The following ZNF705A variants were observed in gnomAD, a reference collection of about 807,000 sequenced individuals.
The protein encoded by ZNF705A is zinc finger protein 705A.
ZNF705A carries 8 observed loss-of-function variants against 16.6 expected under a neutral mutation model. The observed-to-expected ratio is 0.48, with a 90% confidence interval of 0.28 to 0.87. The LOEUF (loss-of-function observed/expected upper bound fraction) is 0.87. ZNF705A is among the 40% of genes least tolerant of loss of function. The pLI is 0.10. For synonymous variants in ZNF705A, 73 were observed against 117.3 expected (o/e 0.62, Z 2.44); for missense variants, 233 against 359.9 (o/e 0.65, Z 2.85).
At chr12:8,170,045 C>T (rs1353739937), upstream of ZNF705A, among the ~76,000 whole-genome samples, 6 of 152,046 alleles carry the variant, frequency 3.9e-5, no homozygotes, top group African/African-American at 1.5e-4. Context: ...CAAAATTAGC[C>T]GAGCACGATG....
chr12:8,172,526 T>C (rs1288135647), upstream of ZNF705A: 1 of 1,517,912 alleles, frequency 6.6e-7, no homozygotes, highest in Non-Finnish European at 9.0e-7. Flanking sequence ...ACAAGACTGC[T>C]GTCTCACATG....
chr12:8,157,930 A>G (rs1476508992), intron 1 of ZNF705A, among the ~76,000 whole-genome samples: 1 of 152,144 alleles, frequency 6.6e-6, no homozygotes, highest in African/African-American at 2.4e-5. Context: ...TTAAAGGAAA[A>G]AGAGGCAGAC....
exon 5 of ZNF705A, chr12:8,177,478 T>G (rs1948495280): frequency 6.2e-7 from 1 of 1,612,170 alleles, no homozygotes; most frequent in Non-Finnish European, 8.5e-7. Flanking sequence ...AAGCCTTTAG[T>G]CAAAGCTCTG....
At chr12:8,159,482 C>G (rs138796655) in intron 1 of ZNF705A, among the ~76,000 whole-genome samples, 2 of 152,124 alleles carry the variant, frequency 1.3e-5, no homozygotes, top group South Asian at 4.1e-4. Context: ...TGTTTTTTGA[C>G]TTTTTCTTTA....
intron 1 of ZNF705A, among the ~76,000 whole-genome samples, chr12:8,158,930 A>G (rs1591620137): frequency 1.3e-5 from 2 of 152,234 alleles, no homozygotes; most frequent in South Asian, 4.1e-4. Flanking sequence ...AGCAGTGTAC[A>G]CTGCAACCTA....
At chr12:8,163,359 A>C (rs990151398) in intron 1 of ZNF705A, among the ~76,000 whole-genome samples, 2 of 152,144 alleles carry the variant, frequency 1.3e-5, no homozygotes, top group Non-Finnish European at 2.9e-5. Context: ...AAATAATGTA[A>C]ACTTTCTTAG....
chr12:8,164,018 A>G (rs963840035), intron 1 of ZNF705A, among the ~76,000 whole-genome samples: 10 of 152,196 alleles, frequency 6.6e-5, no homozygotes, highest in African/African-American at 2.4e-4. Flanking sequence ...CATCACTACC[A>G]TCAAGATTAT....
chr12:8,179,667 C>G (rs1248851281), exon 5 of ZNF705A: 6 of 152,178 alleles, frequency 3.9e-5, no homozygotes, highest in Non-Finnish European at 5.9e-5. Flanking sequence ...GGGTTTATGT[C>G]AAGTGTGAGG....
At chr12:8,159,579 T>C (rs1948336556) in intron 1 of ZNF705A, among the ~76,000 whole-genome samples, 2 of 152,192 alleles carry the variant, frequency 1.3e-5, no homozygotes, top group Admixed American at 6.6e-5. Flanking sequence ...GGATTTTTTT[T>C]GATATGTTTG....
chr12:8,172,441 G>A, upstream of ZNF705A: 1 of 839,310 alleles, frequency 1.2e-6, no homozygotes, highest in Non-Finnish European at 2.0e-6. Context: ...TGTGTCTGTT[G>A]GTTAGGCTGT....
chr12:8,176,842 G>C (rs903342164), intron 4 of ZNF705A, among the ~76,000 whole-genome samples, 157 bp from the exon 6 acceptor site: 3 of 152,062 alleles, frequency 2.0e-5, no homozygotes, highest in African/African-American at 2.4e-5. Flanking sequence ...AATGAGTTTG[G>C]GGTCCCAAAA....
At chr12:8,179,082 C>T (rs980983486) in exon 5 of ZNF705A, 2 of 152,226 alleles carry the variant, frequency 1.3e-5, no homozygotes, top group Non-Finnish European at 2.9e-5. Flanking sequence ...ATTTGGGTGT[C>T]CGCAGCCCTT....
At chr12:8,166,564 TC>T (rs1027136401) in intron 1 of ZNF705A, among the ~76,000 whole-genome samples, 46 of 152,124 alleles carry the variant, frequency 3.0e-4, no homozygotes, top group African/African-American at 1.0e-3. Context: ...GCCTTCTGCC[TC>T]CCCCCAACCA....
At chr12:8,172,731 T>C in intron 1 of ZNF705A, 94 bp downstream of exon 2, 1 of 1,548,286 alleles carries the variant, frequency 6.5e-7, no homozygotes, top group Non-Finnish European at 8.8e-7. Flanking sequence ...TCATTTTTAT[T>C]CTTTTCTGTT....
chr12:8,165,699 C>T (rs1245435147), intron 1 of ZNF705A, among the ~76,000 whole-genome samples: 1 of 151,976 alleles, frequency 6.6e-6, no homozygotes, highest in Admixed American at 6.6e-5. Context: ...CTAGTAGTCC[C>T]CAGTATCTGT....
At chr12:8,175,511 C>CT (rs935645626) in intron 3 of ZNF705A, among the ~76,000 whole-genome samples, 188 bp downstream of exon 4, 2 of 152,124 alleles carry the variant, frequency 1.3e-5, no homozygotes, top group East Asian at 1.9e-4. Flanking sequence ...CTTGTGTCCT[C>CT]TTTTTTTACT....
chr12:8,172,835 A>T (rs781034549), intron 1 of ZNF705A, among the ~76,000 whole-genome samples, 198 bp downstream of exon 2: 7 of 152,314 alleles, frequency 4.6e-5, no homozygotes, highest in African/African-American at 1.7e-4. Flanking sequence ...AAGTTTTCTC[A>T]GGACTCTAGG....
chr12:8,174,294 C>G (rs1948467402), intron 1 of ZNF705A, 32 bp from the exon 3 acceptor site: 2 of 1,594,814 alleles, frequency 1.3e-6, no homozygotes, highest in Non-Finnish European at 1.7e-6. Context: ...AGGGATTTCT[C>G]TGTCTAAACT....
At chr12:8,163,078 C>T (rs1948369935) in intron 1 of ZNF705A, among the ~76,000 whole-genome samples, 1 of 152,102 alleles carries the variant, frequency 6.6e-6, no homozygotes, top group Non-Finnish European at 1.5e-5. Context: ...AGCGAAAGAC[C>T]ACCGCACATG....
Sources: allele counts gnomAD v4.1 joint callset (sites outside exome capture counted in the v4.1 genomes callset), GRCh38; gene constraint gnomAD v4.1.1; transcripts MANE v1.5; gene names NCBI Gene and HGNC (gene_info 2026-07-23, HGNC 2026-07-21).